Variants in MAML3 observed in about 807,000 individuals in gnomAD.
MAML3 encodes mastermind-like protein 3.
MAML3 carries 27 observed loss-of-function variants against 101.9 expected under a neutral mutation model. The ratio of observed to expected loss-of-function variants is 0.27; its 90% CI spans 0.20 to 0.37. The LOEUF is 0.37. Among genes scored for constraint, MAML3 ranks in the 10% least tolerant of loss-of-function variants. MAML3 has a pLI of 1.00. For synonymous variants in MAML3, 501 were observed against 555.9 expected, an observed-to-expected ratio of 0.90 and a Z score of 1.39; for missense variants, 1,316 against 1,444.9, an observed-to-expected ratio of 0.91 and a Z score of 1.45.
rs538467570 is a variant in MAML3, at chr4:139,973,156, T to C, written c.469-82189A>G. 4.6e-5 allele frequency among the ~76,000 whole-genome samples: 7 copies of C among 152,338 alleles called. No individual in the cohort carries two copies. In the South Asian group the frequency reaches 1.4e-3, roughly 32 times the overall value. On this transcript the variant is annotated intron_variant, in intron 1 of 4. Transcript: ENST00000509479. ...TCATTCAGGTGTTTCATCCTTCTTCTTAGCATAGTGAAATCATGCTATGGT... is the reference window on the plus strand; with the variant it reads ...TCATTCAGGTGTTTCATCCTTCTTCCTAGCATAGTGAAATCATGCTATGGT...
At chr4:139,779,324 G>A (rs1017309605) in intron 2 of MAML3, among the ~76,000 whole-genome samples, 4 of 152,178 alleles carry the variant, frequency 2.6e-5, no homozygotes, top group Admixed American at 1.3e-4. Context: ...TGGCTTTGCT[G>A]CTCTTCAGTT....
chr4:139,997,420 T>C (rs183979426), intron 1 of MAML3, among the ~76,000 whole-genome samples: 2 of 152,174 alleles, frequency 1.3e-5, no homozygotes, highest in African/African-American at 4.8e-5. Context: ...CAGTAAAATA[T>C]AGAAAATTTG....
Position 139,919,686 on chromosome 4 carries a change from C to A in MAML3, c.469-28719G>T, listed in dbSNP as rs138822629. Among the ~76,000 whole-genome samples, 205 of 152,288 alleles carry A rather than the reference C, an allele frequency of 1.3e-3. 1 individual carries two copies. Among genetic ancestry groups the A allele is most frequent in the African/African-American group, 4.6e-3 (193 of 41,552 alleles). On this transcript the variant is annotated intron_variant, in intron 1 of 4. Coordinates refer to ENST00000509479, the MANE Select transcript of MAML3 (RefSeq NM_018717.5). ...AATGTGGAACATCCCACAACAGGGA[C>A]CTGGTGCAGCTGAACACAGGAGTTC...
chr4:139,739,552 A>G (rs958875800), intron 2 of MAML3, among the ~76,000 whole-genome samples: 1 of 152,212 alleles, frequency 6.6e-6, no homozygotes, highest in African/African-American at 2.4e-5. Context: ...AAGCTTGATT[A>G]AATAAATTAT....
intron 1 of MAML3, among the ~76,000 whole-genome samples, chr4:139,972,641 C>T (rs1413542112): frequency 6.6e-6 from 1 of 152,152 alleles, no homozygotes; most frequent in Admixed American, 6.5e-5. Flanking sequence ...TGTTCCATAT[C>T]ATAATTGTGA....
chr4:140,049,514 A>G (rs1405068282), intron 1 of MAML3, among the ~76,000 whole-genome samples: 2 of 152,126 alleles, frequency 1.3e-5, no homozygotes, highest in Non-Finnish European at 2.9e-5. Flanking sequence ...AGGAGGGGGG[A>G]AGAGAGAGCA....
intron 2 of MAML3, among the ~76,000 whole-genome samples, chr4:139,814,025 A>AACACACAC (rs70943442): frequency 0.035 from 5,121 of 145,086 alleles, 124 homozygotes; most frequent in Non-Finnish European, 0.04. Flanking sequence ...CACAAACACA[A>AACACACAC]ACACACACAC....
chr4:139,747,364 T>C (rs1234173385), intron 2 of MAML3, among the ~76,000 whole-genome samples: 1 of 152,208 alleles, frequency 6.6e-6, no homozygotes, highest in Non-Finnish European at 1.5e-5. Context: ...TCTCTTTAGT[T>C]AGAGAATGAA....
chr4:139,972,837 T>C (rs1369912190), intron 1 of MAML3, among the ~76,000 whole-genome samples: 1 of 152,194 alleles, frequency 6.6e-6, no homozygotes, highest in Non-Finnish European at 1.5e-5. Flanking sequence ...CTTTTGATAA[T>C]TCTAAAGGAG....
At chr4:139,984,062 A>G (rs1734492511) in intron 1 of MAML3, among the ~76,000 whole-genome samples, 1 of 152,204 alleles carries the variant, frequency 6.6e-6, no homozygotes, top group Admixed American at 6.5e-5. Flanking sequence ...GAGGGAAGTA[A>G]TGTATCAGGA....
intron 1 of MAML3, among the ~76,000 whole-genome samples, chr4:140,051,947 C>A (rs1023392380): frequency 1.1e-4 from 16 of 152,314 alleles, no homozygotes; most frequent in Admixed American, 2.0e-4. Context: ...CCTGTGAGGA[C>A]TATCTCAGAC....
intron 2 of MAML3, among the ~76,000 whole-genome samples, chr4:139,833,396 G>A (rs1267181302): frequency 6.6e-6 from 1 of 152,152 alleles, no homozygotes; most frequent in African/African-American, 2.4e-5. Flanking sequence ...ATCCTGGCCC[G>A]TCTGTGAAAT....
At chr4:139,753,797 A>T (rs780520284) in intron 2 of MAML3, among the ~76,000 whole-genome samples, 6 of 152,188 alleles carry the variant, frequency 3.9e-5, no homozygotes, top group African/African-American at 9.7e-5. Flanking sequence ...TGCATATGCC[A>T]GACACAGCGC....
intron 1 of MAML3, among the ~76,000 whole-genome samples, chr4:140,084,933 T>A (rs1053893768): frequency 3.9e-5 from 6 of 152,074 alleles, no homozygotes; most frequent in African/African-American, 1.4e-4. Context: ...CTTAAAAACA[T>A]CGGGGGGCGG....
At chr4:139,774,348 T>A (rs1171847169) in intron 2 of MAML3, among the ~76,000 whole-genome samples, 1 of 152,254 alleles carries the variant, frequency 6.6e-6, no homozygotes, top group African/African-American at 2.4e-5. Flanking sequence ...ATGACTTATG[T>A]CTATTTTGTT....
In MAML3 at chr4:140,014,900, TA is replaced by T. The variant is rs563263155; in HGVS notation, c.469-123934del. 4.6e-5 allele frequency among the ~76,000 whole-genome samples: 7 copies of T among 152,328 alleles called. No homozygotes were observed. The East Asian group carries it at 1.2e-3, about 25-fold the overall frequency. ...GAATGGAAAAGCTGGCATTATTTCA[TA>T]AAAGTAGACATCCAAGTGAGTTGGT... On this transcript the variant is annotated intron_variant, in intron 1 of 4. Transcript: ENST00000509479.
At chr4:140,047,240 C>G (rs1727197040) in intron 1 of MAML3, among the ~76,000 whole-genome samples, 2 of 152,080 alleles carry the variant, frequency 1.3e-5, no homozygotes, top group South Asian at 4.1e-4. Flanking sequence ...AGTGCCTAGA[C>G]AGACTGTTGG....
At chr4:140,001,607 T>C (rs966361597) in intron 1 of MAML3, among the ~76,000 whole-genome samples, 2 of 152,212 alleles carry the variant, frequency 1.3e-5, no homozygotes, top group African/African-American at 4.8e-5. Context: ...TGCATGTCCA[T>C]ACACACAGGC....
chr4:139,720,508 GAA>G (rs1728191971), intron 4 of MAML3, among the ~76,000 whole-genome samples, 185 bp from the exon 5 acceptor site: 1 of 152,228 alleles, frequency 6.6e-6, no homozygotes, highest in Non-Finnish European at 1.5e-5. Context: ...TGAAAATTTT[GAA>G]AGTGTTAAAA....
Sources: allele counts gnomAD v4.1 joint callset (sites outside exome capture counted in the v4.1 genomes callset), GRCh38; gene constraint gnomAD v4.1.1; transcripts MANE v1.5; gene names NCBI Gene and HGNC (gene_info 2026-07-23, HGNC 2026-07-21).